SH3GL1: variants seen among roughly 807,000 people sequenced by gnomAD.
SH3GL1 encodes the protein SH3 domain containing GRB2 like 1, endophilin A2.
Under a neutral mutation model 48.8 loss-of-function variants are expected in SH3GL1, and 21 were observed. The observed-to-expected ratio is 0.43, with a 90% CI of 0.30 to 0.62. SH3GL1 has a LOEUF of 0.62. Ranked by LOEUF, SH3GL1 falls within the 20% of genes least tolerant of loss-of-function variation. The pLI, the probability that SH3GL1 is intolerant of heterozygous loss-of-function variation, is 0.11. For missense variants in SH3GL1, 454 were observed against 503.0 expected, an observed-to-expected ratio of 0.90 and a Z score of 0.93; for synonymous variants, 282 against 217.5, an observed-to-expected ratio of 1.30 and a Z score of -2.61.
At chr19:4,364,914 ATATT>A (rs1407508971) in intron 4 of SH3GL1, among the ~76,000 whole-genome samples, 1 of 116,646 alleles carries the variant, frequency 8.6e-6, no homozygotes, top group African/African-American at 3.6e-5. Flanking sequence ...ATATATATAT[ATATT>A]TTTTTTTTTT....
Position 4,361,120 on chromosome 19 carries a change from G to A in SH3GL1, c.*480C>T, listed in dbSNP as rs2144850973. The A allele has an allele frequency of 7.9e-6, 2 of 251,980 alleles. No individual in the cohort carries two copies. Among genetic ancestry groups the A allele is most frequent in the East Asian group, 1.2e-4 (2 of 16,746 alleles). The allele number at this position is 251,980 out of a possible 1,614,324, so 15.6% of individuals were successfully genotyped here. ...AGGGCCCATCACCAGCACCAGGCTG[G>A]GAGGGATTTAAAACCAGGGTCCTAT... On this transcript the variant is annotated 3_prime_UTR_variant, in exon 10 of 10. Coordinates refer to ENST00000269886, the MANE Select transcript of SH3GL1 (RefSeq NM_003025.4).
Position 4,376,262 on chromosome 19 carries a change from A to G in SH3GL1, c.46-9268T>C, listed in dbSNP as rs1973006832. 6.6e-6 allele frequency among the ~76,000 whole-genome samples: 1 copy of G among 152,200 alleles called. No homozygotes were observed. ...GTGACTGTGGGCCACCATGGGCATG[A>G]GTCACCTGTCACCAGAGCCTGGTGT... is the stretch of plus-strand genomic sequence containing the variant. On this transcript the variant is annotated intron_variant, in intron 1 of 9. Transcript: ENST00000269886. The surrounding 1 kb of genome is among the most constrained non-coding windows in gnomAD (Gnocchi z 4.3).
At chr19:4,378,793 G>A (rs111514601) in intron 1 of SH3GL1, among the ~76,000 whole-genome samples, 11 of 152,292 alleles carry the variant, frequency 7.2e-5, no homozygotes, top group East Asian at 1.9e-4. Context: ...ACTGAGTCCC[G>A]AGGAATGATG....
At chr19:4,369,026 C>T (rs1236051667) in intron 1 of SH3GL1, among the ~76,000 whole-genome samples, 1 of 152,032 alleles carries the variant, frequency 6.6e-6, no homozygotes, top group East Asian at 1.9e-4. Flanking sequence ...CAGCAGAGAT[C>T]CAGCCACTGC....
intron 1 of SH3GL1, among the ~76,000 whole-genome samples, chr19:4,388,504 T>C (rs930114386): frequency 1.6e-4 from 24 of 152,138 alleles, no homozygotes; most frequent in African/African-American, 5.3e-4. Context: ...GCAGGGCCTA[T>C]TGTGGCAATC....
In SH3GL1 at chr19:4,364,234, G is replaced by A. The variant is rs1169204565; in HGVS notation, c.332-13C>T. 4 of 1,613,636 alleles carry A rather than the reference G, an allele frequency of 2.5e-6. No individual in the cohort carries two copies. The highest frequency in any genetic ancestry group is 3.4e-6 in the Non-Finnish European group (4 of 1,179,986). On this transcript the variant is annotated splice_polypyrimidine_tract_variant and intron_variant, in intron 4 of 9. Coordinates refer to ENST00000269886, the MANE Select transcript of SH3GL1 (RefSeq NM_003025.4). ...AGCAATGCGTCACCTGTGGAGAAGT[G>A]GTGGGGGAAGCCATCATACCGGGCC...
At chr19:4,371,881 G>A (rs1972908987) in intron 1 of SH3GL1, among the ~76,000 whole-genome samples, 1 of 152,266 alleles carries the variant, frequency 6.6e-6, no homozygotes, top group Admixed American at 6.5e-5. Flanking sequence ...TGAGCGCACA[G>A]ACCACAGGGG....
chr19:4,365,655 C>A (rs761580393), intron 3 of SH3GL1, 30 bp from the exon 4 acceptor site: 2 of 1,612,058 alleles, frequency 1.2e-6, no homozygotes, highest in South Asian at 1.1e-5. Flanking sequence ...TGGGTGTGGG[C>A]TGTGAGGCCT....
At position 4,377,396 on chromosome 19, in the gene SH3GL1, C is replaced by T. The variant is rs369451250; in HGVS notation, c.46-10402G>A. On this transcript the variant is annotated intron_variant, in intron 1 of 9. Transcript: ENST00000269886. The stretch of plus-strand genomic sequence containing the variant: ...CTGTGAGCGGGCACTGAGGAATGTG[C>T]CTTCACCTGTCTCCTCTGCCTATCT... 2.2e-4 allele frequency among the ~76,000 whole-genome samples: 34 copies of T among 152,370 alleles called. No homozygotes were observed. The South Asian group carries it at 5.4e-3, about 24-fold the overall frequency.
chr19:4,376,069 A>G lies in SH3GL1; in HGVS notation c.46-9075T>C, dbSNP rs1306377451. Among the ~76,000 whole-genome samples, 2 of 152,212 alleles carry G rather than the reference A, an allele frequency of 1.3e-5. No individual in the cohort carries two copies. The highest frequency in any genetic ancestry group is 2.9e-5 in the Non-Finnish European group (2 of 68,034). On this transcript the variant is annotated intron_variant, in intron 1 of 9. Transcript: ENST00000269886. This position sits in a 1 kb window ranked among gnomAD's most constrained non-coding sequence, Gnocchi z 4.3. ...AGAGAGAACTGCGGGGCATGGTGAC[A>G]GCGGTGAGAGGCTGCAGGTGCACAG...
intron 1 of SH3GL1, among the ~76,000 whole-genome samples, chr19:4,373,300 G>A (rs1052485713): frequency 3.3e-5 from 5 of 152,210 alleles, no homozygotes; most frequent in African/African-American, 1.2e-4. Context: ...TGTGTGTGAT[G>A]CACGGAGGGA....
chr19:4,363,450 C>A lies in SH3GL1; in HGVS notation c.648G>T (p.Ser216=). The change falls in exon 7 of 10, where the codon TCG becomes TCT. Residue 216 remains serine (S), a synonymous_variant. Coordinates refer to ENST00000269886, the MANE Select transcript of SH3GL1 (RefSeq NM_003025.4). The part of the protein sequence containing the change: ...ETDIEQVSQL[S]ALVDAQLDYH... Reference sequence around the variant, plus strand: ...AGTCCAGCTGTGCATCCACCAGGGCCGAGAGCTGACTCACCTGCTCGATCT... The same window carrying A: ...AGTCCAGCTGTGCATCCACCAGGGCAGAGAGCTGACTCACCTGCTCGATCT... 7 of 1,612,696 alleles carry A rather than the reference C, an allele frequency of 4.3e-6. No individual in the cohort carries two copies. The highest frequency in any genetic ancestry group is 1.3e-5 in the African/African-American group (1 of 75,042).
intron 1 of SH3GL1, among the ~76,000 whole-genome samples, chr19:4,372,931 G>T (rs778827391): frequency 2.0e-5 from 3 of 152,206 alleles, no homozygotes; most frequent in Non-Finnish European, 4.4e-5. Context: ...ATGAAAGCTC[G>T]CCTATCTACA....
rs1348366689 is a variant in SH3GL1, at chr19:4,363,458, G to A, written c.640C>T (p.Gln214Ter). The change falls in exon 7 of 10, where the codon CAG becomes TAG. Residue 214 changes from glutamine to a stop codon, truncating the protein, a stop_gained. Transcript: ENST00000269886. LOFTEE classifies it high-confidence loss of function. ...TGTGCATCCACCAGGGCCGAGAGCT[G>A]ACTCACCTGCTCGATCTGTGGGGAC... is the stretch of plus-strand genomic sequence containing the variant. The part of the protein sequence containing the change: ...LLETDIEQVS[Q>*]LSALVDAQLD... The A allele has an allele frequency of 6.2e-7, 1 of 1,612,594 alleles. No homozygotes were observed. The highest frequency in any genetic ancestry group is 8.5e-7 in the Non-Finnish European group (1 of 1,179,604).
At chr19:4,362,581 G>A (rs747869708) in intron 8 of SH3GL1, 31 bp downstream of exon 8, 1 of 1,612,296 alleles carries the variant, frequency 6.2e-7, no homozygotes, top group South Asian at 1.1e-5. Context: ...GCTGGCATTT[G>A]CCTCCGCAAG....
At chr19:4,368,794 G>A (rs940556476) in intron 1 of SH3GL1, among the ~76,000 whole-genome samples, 11 of 152,168 alleles carry the variant, frequency 7.2e-5, no homozygotes, top group South Asian at 4.1e-4. Context: ...CTCGTTGGCC[G>A]GGCGCGGTGA....
intron 6 of SH3GL1, 31 bp downstream of exon 6, chr19:4,363,689 T>G: frequency 6.2e-7 from 1 of 1,611,930 alleles, no homozygotes; most frequent in Non-Finnish European, 8.5e-7. Context: ...GGCATAGGTC[T>G]TCTCAGGATG....
rs182866296 is a variant in SH3GL1 at position 4,380,468 on chromosome 19, G to A, written c.46-13474C>T. Among the ~76,000 whole-genome samples, 23 of 152,292 alleles carry A rather than the reference G, an allele frequency of 1.5e-4. 1 individual carries two copies. Among genetic ancestry groups the A allele is most frequent in the Non-Finnish European group, 2.8e-4 (19 of 68,028 alleles). Reference sequence around the variant, plus strand: ...AAGGATGGGTGGGATCTGGGAGCACGCAGGAGAGAGGGCATGACATGAGCC... The same window carrying A: ...AAGGATGGGTGGGATCTGGGAGCACACAGGAGAGAGGGCATGACATGAGCC... On this transcript the variant is annotated intron_variant, in intron 1 of 9. Transcript: ENST00000269886.
chr19:4,372,636 C>T (rs978701773), intron 1 of SH3GL1, among the ~76,000 whole-genome samples: 1 of 152,198 alleles, frequency 6.6e-6, no homozygotes, highest in Non-Finnish European at 1.5e-5. Context: ...CCATCTGCAA[C>T]GCCCTTCCCT....
Sources: allele counts gnomAD v4.1 joint callset (sites outside exome capture counted in the v4.1 genomes callset), GRCh38; gene constraint gnomAD v4.1.1; non-coding constraint Gnocchi (gnomAD v3.1); transcripts MANE v1.5; gene names NCBI Gene and HGNC (gene_info 2026-07-23, HGNC 2026-07-21).